Variants in DNAH8 observed in about 807,000 individuals in gnomAD.
The protein encoded by DNAH8 is axonemal beta dynein heavy chain 8.
DNAH8 carries 382 observed loss-of-function variants against 562.1 expected under a neutral mutation model. The observed-to-expected ratio is 0.68, with a 90% CI of 0.63 to 0.74. DNAH8 has a LOEUF of 0.74. DNAH8 is among the 30% of genes least tolerant of loss of function. The pLI is 0.00. For missense variants in DNAH8, 5,203 were observed against 5,620.4 expected, an observed-to-expected ratio of 0.93 and a Z score of 2.37; for synonymous variants, 1,881 against 1,919.4, an observed-to-expected ratio of 0.98 and a Z score of 0.52.
At chr6:38,797,638 G>T (rs543725376) in intron 21 of DNAH8, among the ~76,000 whole-genome samples, 3 of 151,948 alleles carry the variant, frequency 2.0e-5, no homozygotes, top group African/African-American at 4.8e-5. Flanking sequence ...CCTTTACTAC[G>T]CCGCTGCAAA....
chr6:38,891,282 T>C (rs1444693610), intron 58 of DNAH8, among the ~76,000 whole-genome samples: 1 of 152,166 alleles, frequency 6.6e-6, no homozygotes, highest in Non-Finnish European at 1.5e-5. Flanking sequence ...TAAGTAAAGC[T>C]CAGCAAACCT....
At chr6:38,861,246 C>G (rs544692498) in intron 43 of DNAH8, among the ~76,000 whole-genome samples, 4 of 152,310 alleles carry the variant, frequency 2.6e-5, no homozygotes, top group Admixed American at 2.0e-4. Flanking sequence ...ATCACATCTT[C>G]AGCCTCCTTT....
At chr6:38,999,594 A>G (rs1216273235) in intron 88 of DNAH8, among the ~76,000 whole-genome samples, 2 of 152,066 alleles carry the variant, frequency 1.3e-5, no homozygotes, top group Admixed American at 6.6e-5. Flanking sequence ...CTATTTATAT[A>G]TGGCACAAAA....
In DNAH8 at chr6:38,723,490, A is replaced by G; in HGVS notation, c.525+19A>G. On this transcript the variant is annotated intron_variant, in intron 3 of 92. Coordinates refer to ENST00000327475, the MANE Select transcript of DNAH8 (RefSeq NM_001206927.2). ...CCCATCTGTAAGTTTAAGTCTTATC[A>G]TTATATTTTAATTGCCCTTTGAGTA... 2 of 1,589,998 alleles carry G rather than the reference A, an allele frequency of 1.3e-6. No individual in the cohort carries two copies. Among genetic ancestry groups the G allele is most frequent in the East Asian group, 2.2e-5 (1 of 44,752 alleles).
intron 9 of DNAH8, among the ~76,000 whole-genome samples, chr6:38,751,417 G>A (rs189554118): frequency 5.3e-5 from 8 of 152,312 alleles, no homozygotes; most frequent in African/African-American, 1.9e-4. Context: ...TGGGTGGGTA[G>A]GGGAGTATAC....
chr6:38,915,163 G>C, intron 67 of DNAH8, 38 bp from the exon 68 acceptor site: 1 of 1,505,652 alleles, frequency 6.6e-7, no homozygotes, highest in Non-Finnish European at 8.8e-7. Flanking sequence ...TGCTTGAAAG[G>C]TTTCTATTGG....
At chr6:38,925,958 C>A in intron 73 of DNAH8, 97 bp from the exon 74 acceptor site, 1 of 1,161,508 alleles carries the variant, frequency 8.6e-7, no homozygotes, top group South Asian at 2.5e-5. Flanking sequence ...AAAATAATGT[C>A]CACATTTTAA....
At chr6:39,004,329 C>A (rs188994183) in intron 88 of DNAH8, among the ~76,000 whole-genome samples, 2 of 152,168 alleles carry the variant, frequency 1.3e-5, no homozygotes, top group South Asian at 4.1e-4. Context: ...CTTTTATAAT[C>A]CCACAATTAG....
At chr6:38,902,187 T>C (rs1780123985) in intron 62 of DNAH8, among the ~76,000 whole-genome samples, 1 of 152,218 alleles carries the variant, frequency 6.6e-6, no homozygotes, top group African/African-American at 2.4e-5. Flanking sequence ...CTTGATACCC[T>C]GGCATCTGAG....
intron 11 of DNAH8, among the ~76,000 whole-genome samples, chr6:38,762,407 T>G (rs1461269345): frequency 1.3e-5 from 2 of 152,218 alleles, no homozygotes; most frequent in Non-Finnish European, 2.9e-5. Flanking sequence ...TGTCCTAACG[T>G]TTCTGGGTAA....
At chr6:38,826,478 A>G (rs1583112303) in intron 29 of DNAH8, 87 bp downstream of exon 29, 1 of 819,370 alleles carries the variant, frequency 1.2e-6, no homozygotes, top group Non-Finnish European at 2.0e-6. Flanking sequence ...ATTCTTTAAC[A>G]TATTCATCTA....
rs111299340 is a variant in DNAH8, at chr6:38,759,204, A to G, written c.1516-2498A>G. ...GTGCCTGTAGTCCTAGCTATTCCAG[A>G]GGCTGAGGCAGGAGGATCCCTTGAG... On this transcript the variant is annotated intron_variant, in intron 10 of 92. Coordinates refer to ENST00000327475, the MANE Select transcript of DNAH8 (RefSeq NM_001206927.2). Among the ~76,000 whole-genome samples, 128 of 152,192 alleles carry G rather than the reference A, an allele frequency of 8.4e-4. 1 individual carries two copies. The highest frequency in any genetic ancestry group is 2.9e-3 in the African/African-American group (122 of 41,522).
intron 53 of DNAH8, 139 bp downstream of exon 53, chr6:38,875,967 T>G: frequency 1.6e-6 from 1 of 638,424 alleles, no homozygotes; most frequent in South Asian, 2.2e-5. Context: ...AAAGAGCATG[T>G]ATTTGAAAGA....
intron 26 of DNAH8, among the ~76,000 whole-genome samples, chr6:38,818,551 A>AAAG (rs1178850147): frequency 6.6e-6 from 1 of 151,210 alleles, no homozygotes; most frequent in Non-Finnish European, 1.5e-5. Context: ...AAAAAAAAAA[A>AAAG]AAGAAGATAT....
At chr6:38,801,950 A>AT (rs35093441) in intron 21 of DNAH8, among the ~76,000 whole-genome samples, 54,265 of 149,006 alleles carry the variant, frequency 0.36, 10,019 homozygotes, top group Admixed American at 0.43. Flanking sequence ...TCCTATGTAC[A>AT]TTTTTTTTTT....
Position 38,823,679 on chromosome 6 carries a change from TTACA to T in DNAH8, c.3843_3846del (p.His1281GlnfsTer4). ...TATTATTGTTGTAGGAGCACTTGAA[TTACA>T]TACAGGTATTTTAAAAATGTTTATT... is the stretch of plus-strand genomic sequence containing the variant. On this transcript the variant is annotated frameshift_variant, in exon 28 of 93. Coordinates refer to ENST00000327475, the MANE Select transcript of DNAH8 (RefSeq NM_001206927.2). LOFTEE classifies it high-confidence loss of function. 1 of 1,597,286 alleles carries T rather than the reference TTACA, an allele frequency of 6.3e-7. No individual in the cohort carries two copies. Among genetic ancestry groups the T allele is most frequent in the African/African-American group, 1.3e-5 (1 of 74,548 alleles).
chr6:38,893,506 A>AT (rs1296767486), intron 58 of DNAH8, among the ~76,000 whole-genome samples: 12 of 152,332 alleles, frequency 7.9e-5, no homozygotes, highest in African/African-American at 2.9e-4. Context: ...GTGTTATACT[A>AT]TAAAAAAAGC....
chr6:38,970,227 T>A (rs1763242969), intron 82 of DNAH8, among the ~76,000 whole-genome samples: 1 of 152,178 alleles, frequency 6.6e-6, no homozygotes, highest in South Asian at 2.1e-4. Flanking sequence ...CTTTCCCTCA[T>A]TGATCTATTG....
At chr6:38,858,999 T>A (rs1776409619) in intron 42 of DNAH8, among the ~76,000 whole-genome samples, 1 of 152,194 alleles carries the variant, frequency 6.6e-6, no homozygotes, top group Non-Finnish European at 1.5e-5. Flanking sequence ...AAAATAAACC[T>A]GTACATAAGG....
Sources: gnomAD v4.1 joint callset for allele counts (sites outside exome capture counted in the v4.1 genomes callset) on GRCh38, gnomAD v4.1.1 for gene constraint, MANE v1.5 for transcripts, NCBI Gene and HGNC (gene_info 2026-07-23, HGNC 2026-07-21) for gene names.